Variants in STYK1 observed in about 807,000 individuals in gnomAD.
The protein encoded by STYK1 is STY kinase 1, also known as tyrosine-protein kinase STYK1.
Under a neutral mutation model 48.1 loss-of-function variants are expected in STYK1, and 46 were observed. The observed-to-expected ratio is 0.96, with a 90% CI of 0.75 to 1.22. STYK1 has a LOEUF of 1.22. STYK1 is among the 50% of genes most tolerant of loss of function. The pLI, the probability that STYK1 is intolerant of heterozygous loss-of-function variation, is 0.00. For missense variants in STYK1, 527 were observed against 521.1 expected (o/e 1.01, Z -0.11); for synonymous variants, 188 against 189.0 (o/e 0.99, Z 0.04).
At chr12:10,644,330 G>A (rs1022655125) in intron 1 of STYK1, among the ~76,000 whole-genome samples, 4 of 152,158 alleles carry the variant, frequency 2.6e-5, no homozygotes, top group African/African-American at 9.7e-5. Context: ...AAGATAATGT[G>A]TGAATGCAAA....
rs752866442 is a variant in STYK1 at position 10,620,243 on chromosome 12, C to T, written c.1170G>A (p.Glu390=). The T allele has an allele frequency of 5.6e-6, 9 of 1,613,930 alleles. No homozygotes were observed. The South Asian group carries it at 8.8e-5, about 16-fold the overall frequency. The change falls in exon 11 of 11, where the codon GAG becomes GAA. Residue 390 remains glutamate (E), a synonymous_variant. Transcript: ENST00000075503. The part of the protein sequence containing the change: ...LEAAIKTADD[E]AVLQVPELVV... ...CCAACTCTGGTACTTGTAACACAGC[C>T]TCGTCATCTGCAGTTTTAATGGCAG...
In STYK1 at chr12:10,634,034, A is replaced by G. The variant is rs1158700479; in HGVS notation, c.143T>C (p.Phe48Ser). ...LILLGVILWL[F>S]IREQRTQQQR... The stretch of plus-strand genomic sequence containing the variant: ...CTGTTGAGTTCTTTGTTCTCTGATA[A>G]AAAGCCACAGGATGACCCCAAGAAG... Residue 48 changes from phenylalanine to serine, a missense_variant, in exon 4 of 11, where the codon TTT (phenylalanine) becomes TCT (serine). By Grantham distance (155) the Phe-to-Ser change is radical. Transcript: ENST00000075503. 6.2e-7 allele frequency: 1 copy of G among 1,614,162 alleles called. No individual in the cohort carries two copies.
At chr12:10,628,590 C>T (rs577271095) in intron 6 of STYK1, among the ~76,000 whole-genome samples, 1 of 152,270 alleles carries the variant, frequency 6.6e-6, no homozygotes, top group South Asian at 2.1e-4. Context: ...CTTTCTCATA[C>T]ACATTCAGTT....
Position 10,672,242 on chromosome 12 carries a change from C to A in STYK1, c.-195+1724G>T, listed in dbSNP as rs112239623. ...TTGTTTAAGCCAGAGGTCACCAACA[C>A]CCGGGGCGCCGACAGGTACGGGGTG... On this transcript the variant is annotated intron_variant, in intron 1 of 10. Transcript: ENST00000075503. This position sits in a 1 kb window ranked among gnomAD's most constrained non-coding sequence, Gnocchi z 4.0. Among the ~76,000 whole-genome samples, 1 of 152,156 alleles carries A rather than the reference C, an allele frequency of 6.6e-6. No homozygotes were observed. The highest frequency in any genetic ancestry group is 1.5e-5 in the Non-Finnish European group (1 of 68,032).
chr12:10,663,242 T>C (rs2120799671), intron 1 of STYK1, among the ~76,000 whole-genome samples: 1 of 152,222 alleles, frequency 6.6e-6, no homozygotes, highest in South Asian at 2.1e-4. Flanking sequence ...GCCTCCCAAG[T>C]AGCTGGGATT....
At chr12:10,648,188 G>T (rs1286784791) in intron 1 of STYK1, among the ~76,000 whole-genome samples, 1 of 152,070 alleles carries the variant, frequency 6.6e-6, no homozygotes, top group Non-Finnish European at 1.5e-5. Context: ...TGGACTACTT[G>T]TTTGATAACA....
rs534332944 is a variant in STYK1, at chr12:10,672,333, C to T, written c.-195+1633G>A. 3.3e-4 allele frequency among the ~76,000 whole-genome samples: 50 copies of T among 152,296 alleles called. No individual in the cohort carries two copies. The South Asian group carries it at 9.6e-3, about 29-fold the overall frequency. ...ATCTGCATTTACAGCCACTCCCCATCGCTGTCATTGCCTCCTGAGCTCCTC... is the reference window on the plus strand; with the variant it reads ...ATCTGCATTTACAGCCACTCCCCATTGCTGTCATTGCCTCCTGAGCTCCTC... On this transcript the variant is annotated intron_variant, in intron 1 of 10. Transcript: ENST00000075503. This position sits in a 1 kb window ranked among gnomAD's most constrained non-coding sequence, Gnocchi z 4.0.
chr12:10,666,492 T>A (rs1947834793), intron 1 of STYK1, among the ~76,000 whole-genome samples: 1 of 152,218 alleles, frequency 6.6e-6, no homozygotes, highest in Non-Finnish European at 1.5e-5. Context: ...AGTGTACAAC[T>A]AAAACCAATC....
At chr12:10,656,659 G>A (rs139850705) in intron 1 of STYK1, among the ~76,000 whole-genome samples, 12 of 152,058 alleles carry the variant, frequency 7.9e-5, no homozygotes, top group African/African-American at 2.9e-4. Context: ...AAAAAACAAG[G>A]GATTAATACA....
rs1039093228 is a variant in STYK1, at chr12:10,620,120, T to C, written c.*24A>G. The C allele has an allele frequency of 9.3e-6, 15 of 1,612,582 alleles. No individual in the cohort carries two copies. The highest frequency in any genetic ancestry group is 1.1e-5 in the Non-Finnish European group (13 of 1,178,554). On this transcript the variant is annotated 3_prime_UTR_variant, in exon 11 of 11. Transcript: ENST00000075503. ...GATTCCAAGAACATATACTCATGCA[T>C]GAATGTTTCTTGCCCGAGACTCTTC...
At chr12:10,669,877 A>T (rs917550864) in intron 1 of STYK1, among the ~76,000 whole-genome samples, 1 of 152,248 alleles carries the variant, frequency 6.6e-6, no homozygotes, top group Non-Finnish European at 1.5e-5. Flanking sequence ...ATGTGAAAAA[A>T]TATTCAACAT....
chr12:10,636,144 T>G (rs1947483462), intron 2 of STYK1, among the ~76,000 whole-genome samples: 1 of 152,208 alleles, frequency 6.6e-6, no homozygotes, highest in Non-Finnish European at 1.5e-5. Context: ...CTGATACTAA[T>G]AACCACAGTG....
intron 4 of STYK1, among the ~76,000 whole-genome samples, chr12:10,632,135 T>C (rs189175667): frequency 6.6e-6 from 1 of 151,788 alleles, no homozygotes; most frequent in East Asian, 1.9e-4. Flanking sequence ...GAGGATCTCC[T>C]GAGCCCAGGA....
chr12:10,651,261 C>T (rs1947660048), intron 1 of STYK1, among the ~76,000 whole-genome samples: 1 of 152,090 alleles, frequency 6.6e-6, no homozygotes, highest in Non-Finnish European at 1.5e-5. Context: ...TTTATATCTG[C>T]CATGATAAAG....
chr12:10,639,417 CTT>C (rs762075648), intron 1 of STYK1, among the ~76,000 whole-genome samples: 1 of 145,200 alleles, frequency 6.9e-6, no homozygotes, highest in Non-Finnish European at 1.5e-5. Flanking sequence ...AAATTGGCCA[CTT>C]TTTTTTTTTT....
intron 1 of STYK1, among the ~76,000 whole-genome samples, chr12:10,668,109 C>T (rs1051066390): frequency 3.9e-5 from 6 of 151,922 alleles, no homozygotes; most frequent in Admixed American, 3.3e-4. Flanking sequence ...CTGAGAAGTT[C>T]AACAATAAAA....
At chr12:10,639,539 CA>C (rs1947521760) in intron 1 of STYK1, among the ~76,000 whole-genome samples, 1 of 152,072 alleles carries the variant, frequency 6.6e-6, no homozygotes, top group Non-Finnish European at 1.5e-5. Flanking sequence ...CTCAGCCTCC[CA>C]AATAGCTGGG....
intron 1 of STYK1, chr12:10,673,604 C>T (rs368004305): frequency 2.0e-5 from 3 of 152,324 alleles, no homozygotes; most frequent in South Asian, 4.1e-4. Flanking sequence ...ACAAGTAATT[C>T]CTGTAACCTC....
At chr12:10,668,347 T>G (rs1333128914) in intron 1 of STYK1, among the ~76,000 whole-genome samples, 1 of 151,708 alleles carries the variant, frequency 6.6e-6, no homozygotes, top group African/African-American at 2.4e-5. Flanking sequence ...AATTTGCTGC[T>G]GCTGCTGCTG....
Sources: allele counts gnomAD v4.1 joint callset (sites outside exome capture counted in the v4.1 genomes callset), GRCh38; gene constraint gnomAD v4.1.1; non-coding constraint Gnocchi (gnomAD v3.1); transcripts MANE v1.5; gene names NCBI Gene and HGNC (gene_info 2026-07-23, HGNC 2026-07-21).